The following MRPL21 variants were observed in gnomAD, a reference collection of about 807,000 sequenced individuals.
The protein encoded by MRPL21 is mitochondrial ribosomal protein L21.
MRPL21 carries 20 observed loss-of-function variants against 27.3 expected under a neutral mutation model. That is an observed-to-expected ratio of 0.73 (90% CI 0.52 to 1.06). The LOEUF (loss-of-function observed/expected upper bound fraction) is 1.06. Ranked by LOEUF, MRPL21 falls within the 50% of genes least tolerant of loss-of-function variation. The probability of loss-of-function intolerance (pLI) is 0.00; values close to 1 mark genes in which losing one functional copy is unlikely to be tolerated. For synonymous variants in MRPL21, 98 were observed against 101.5 expected (o/e 0.97, Z 0.21); for missense variants, 249 against 251.4 (o/e 0.99, Z 0.06).
At chr11:68,900,735 G>C (rs1174948258) in intron 1 of MRPL21, 130 bp from the exon 2 acceptor site, 2 of 793,164 alleles carry the variant, frequency 2.5e-6, no homozygotes, top group Non-Finnish European at 4.4e-6. Context: ...CCTGCCCACA[G>C]AAACACCTAG....
At chr11:68,900,047 GT>G (rs1290572473) in intron 2 of MRPL21, among the ~76,000 whole-genome samples, 5 of 152,226 alleles carry the variant, frequency 3.3e-5, no homozygotes, top group African/African-American at 1.2e-4. Context: ...CCACCAGTGA[GT>G]GGAACTTTGT....
In MRPL21 at chr11:68,900,582, T is replaced by C. The variant is rs754802573; in HGVS notation, c.112A>G (p.Arg38Gly). ...TATGAAGTGCTCTGTGAATTGAACC[T>C]TCGAGAAGCAGACCAAAGGGAGGCT... ...GAASLWSASR[R>G]FNSQSTSYLP... is the part of the protein sequence containing the mutation. Residue 38 changes from arginine (R) to glycine (G), a missense_variant, in exon 2 of 7, where the codon AGG (arginine) becomes GGG (glycine). Transcript: ENST00000362034. 3.3e-5 allele frequency: 54 copies of C among 1,613,944 alleles called. No homozygotes were observed. The Middle Eastern group carries it at 6.6e-4, about 20-fold the overall frequency.
In MRPL21 at chr11:68,897,970, T is replaced by C. The variant is rs1354477645; in HGVS notation, c.189A>G (p.Glu63=). ...KTSLSSPPWP[E]VVLPDPVEET... ...CCTCAACTGGGTCTGGCAGAACAAC[T>C]TCTGGCCAAGGTGGTGAACTCAGGG... The change falls in exon 3 of 7, where the codon GAA becomes GAG. Residue 63 remains glutamate, a synonymous_variant. Transcript: ENST00000362034. 1 of 1,614,146 alleles carries C rather than the reference T, an allele frequency of 6.2e-7. No homozygotes were observed. The highest frequency in any genetic ancestry group is 8.5e-7 in the Non-Finnish European group (1 of 1,179,998).
At chr11:68,902,024 C>T (rs1226182919) in intron 1 of MRPL21, among the ~76,000 whole-genome samples, 5 of 152,200 alleles carry the variant, frequency 3.3e-5, no homozygotes, top group Non-Finnish European at 4.4e-5. Context: ...ACCTAATTTG[C>T]TTCTAGCTTT....
chr11:68,893,811 T>TG (rs1364092647), intron 4 of MRPL21, among the ~76,000 whole-genome samples: 1 of 152,190 alleles, frequency 6.6e-6, no homozygotes, highest in Non-Finnish European at 1.5e-5. Flanking sequence ...CGGTGGCTCA[T>TG]GCCTGTAATC....
chr11:68,893,497 G>A (rs561032177), intron 4 of MRPL21, 42 bp from the exon 5 acceptor site: 1 of 1,613,598 alleles, frequency 6.2e-7, no homozygotes, highest in Non-Finnish European at 8.5e-7. Flanking sequence ...GGCTCATTAC[G>A]ATGAGTAAGA....
intron 2 of MRPL21, 121 bp downstream of exon 2, chr11:68,900,427 T>A (rs1857904891): frequency 9.9e-7 from 1 of 1,013,294 alleles, no homozygotes; most frequent in African/African-American, 1.6e-5. Flanking sequence ...CTCTGTCTCT[T>A]AAAAACAAAA....
At chr11:68,897,444 A>G (rs1178118086) in intron 3 of MRPL21, 2 of 160,804 alleles carry the variant, frequency 1.2e-5, no homozygotes, top group Non-Finnish European at 2.7e-5. Context: ...TTTAACATAT[A>G]AGAAGATTCC....
intron 4 of MRPL21, among the ~76,000 whole-genome samples, chr11:68,895,734 A>G (rs570041306): frequency 6.6e-6 from 1 of 152,310 alleles, no homozygotes; most frequent in South Asian, 2.1e-4. Flanking sequence ...GCAGTGGCCA[A>G]TCACGGCTCA....
chr11:68,897,658 C>T (rs528351884), intron 3 of MRPL21: 38 of 525,516 alleles, frequency 7.2e-5, no homozygotes, highest in African/African-American at 7.2e-4. Context: ...CACCCACCAA[C>T]AGAAGCAGAC....
intron 6 of MRPL21, 62 bp downstream of exon 6, chr11:68,892,828 C>T: frequency 6.3e-7 from 1 of 1,578,834 alleles, no homozygotes; most frequent in South Asian, 1.1e-5. Context: ...CACCCTCCGT[C>T]CGCATGCGCC....
chr11:68,898,928 C>T (rs910409042), intron 2 of MRPL21, among the ~76,000 whole-genome samples: 4 of 152,240 alleles, frequency 2.6e-5, no homozygotes, highest in African/African-American at 9.6e-5. Context: ...GCTGGGATTA[C>T]AGGCACATGC....
rs147783701 is a variant in MRPL21, at chr11:68,901,660, C to T, written c.89-1055G>A. Among the ~76,000 whole-genome samples, 5 of 152,298 alleles carry T rather than the reference C, an allele frequency of 3.3e-5. No homozygotes were observed. In the South Asian group the frequency reaches 6.2e-4, roughly 19 times the overall value. Reference sequence around the variant, plus strand: ...CAACCCTTGGCCTTGACCTCCTCTCCGCCCATGGCCATTCCTCTGGTGACT... The same window carrying T: ...CAACCCTTGGCCTTGACCTCCTCTCTGCCCATGGCCATTCCTCTGGTGACT... On this transcript the variant is annotated intron_variant, in intron 1 of 6. Coordinates refer to ENST00000362034, the MANE Select transcript of MRPL21 (RefSeq NM_181514.2).
intron 2 of MRPL21, among the ~76,000 whole-genome samples, chr11:68,898,828 C>T (rs995818805): frequency 1.1e-4 from 17 of 152,120 alleles, no homozygotes; most frequent in African/African-American, 4.1e-4. Flanking sequence ...CGCTCTGTCA[C>T]CCAGGCTAGA....
Position 68,900,545 on chromosome 11 carries a change from T to C in MRPL21, c.146+3A>G, listed in dbSNP as rs775875071. 3 of 1,613,246 alleles carry C rather than the reference T, an allele frequency of 1.9e-6. No individual in the cohort carries two copies. The highest frequency in any genetic ancestry group is 2.2e-5 in the South Asian group (2 of 91,012). ...GGCACCAAAACCCACATTTTGATAT[T>C]ACCCTGGTAGATATGAAGTGCTCTG... On this transcript the variant is annotated splice_donor_region_variant and intron_variant, in intron 2 of 6. Coordinates refer to ENST00000362034, the MANE Select transcript of MRPL21 (RefSeq NM_181514.2).
At chr11:68,891,920 C>A in intron 6 of MRPL21, 2 of 541,704 alleles carry the variant, frequency 3.7e-6, no homozygotes, top group Non-Finnish European at 6.0e-6. Context: ...GGTGCCATCC[C>A]TCAGGATGCC....
At chr11:68,902,826 A>C (rs1857994663) in intron 1 of MRPL21, among the ~76,000 whole-genome samples, 1 of 149,658 alleles carries the variant, frequency 6.7e-6, no homozygotes, top group Non-Finnish European at 1.5e-5. Context: ...CAATCCTCTT[A>C]CCCCCCATGT....
At chr11:68,893,601 C>T in intron 4 of MRPL21, 146 bp from the exon 5 acceptor site, 1 of 1,122,370 alleles carries the variant, frequency 8.9e-7, no homozygotes, top group African/African-American at 1.5e-5. Context: ...GTCTAATGAT[C>T]TCTTTAATAT....
chr11:68,898,141 GC>G, intron 2 of MRPL21, 129 bp from the exon 3 acceptor site: 2 of 748,428 alleles, frequency 2.7e-6, no homozygotes, highest in Non-Finnish European at 2.3e-6. Context: ...TTTCGGACAG[GC>G]CCCGCCCCTC....
Sources: gnomAD v4.1 joint callset for allele counts (sites outside exome capture counted in the v4.1 genomes callset) on GRCh38, gnomAD v4.1.1 for gene constraint, MANE v1.5 for transcripts, NCBI Gene and HGNC (gene_info 2026-07-23, HGNC 2026-07-21) for gene names.